PLCB1: variants seen among roughly 807,000 people sequenced by gnomAD.
PLCB1 encodes the protein phospholipase C beta 1, also known as 1-phosphatidylinositol 4,5-bisphosphate phosphodiesterase beta-1.
Under a neutral mutation model 161.8 loss-of-function variants are expected in PLCB1, and 46 were observed. The observed-to-expected ratio is 0.28, with a 90% CI of 0.22 to 0.36. PLCB1 has a LOEUF of 0.36. PLCB1 is among the 10% of genes least tolerant of loss of function. The pLI is 1.00. For synonymous variants in PLCB1, 517 were observed against 503.7 expected, an observed-to-expected ratio of 1.03 and a Z score of -0.35; for missense variants, 1,016 against 1,472.5, an observed-to-expected ratio of 0.69 and a Z score of 5.07.
chr20:8,639,966 G>C (rs1457875357), intron 4 of PLCB1, among the ~76,000 whole-genome samples: 1 of 151,800 alleles, frequency 6.6e-6, no homozygotes, highest in Non-Finnish European at 1.5e-5. Flanking sequence ...GTCAAAGATG[G>C]AACAATCAAG....
At chr20:8,817,705 A>C (rs1374219204) in intron 31 of PLCB1, among the ~76,000 whole-genome samples, 3 of 152,198 alleles carry the variant, frequency 2.0e-5, no homozygotes, top group African/African-American at 7.2e-5. Flanking sequence ...GAAATTCACC[A>C]CATGAAAGCA....
intron 3 of PLCB1, among the ~76,000 whole-genome samples, chr20:8,395,496 A>G (rs1337141402): frequency 6.6e-6 from 1 of 152,108 alleles, no homozygotes; most frequent in East Asian, 1.9e-4. Flanking sequence ...AGTTTACACA[A>G]TTTTAAAGTC....
intron 2 of PLCB1, among the ~76,000 whole-genome samples, chr20:8,284,636 C>T (rs1457534111): frequency 2.6e-5 from 4 of 152,136 alleles, no homozygotes; most frequent in Admixed American, 2.0e-4. Context: ...TTCTAAGGTA[C>T]TTTTTCTCTC....
intron 3 of PLCB1, among the ~76,000 whole-genome samples, chr20:8,549,449 T>C (rs912994678): frequency 1.3e-5 from 2 of 152,174 alleles, no homozygotes; most frequent in Admixed American, 6.5e-5. Context: ...CTGATAAGTT[T>C]GGTTCTGTGT....
intron 2 of PLCB1, among the ~76,000 whole-genome samples, chr20:8,231,030 T>C (rs3827071): frequency 0.21 from 32,645 of 151,960 alleles, 3,860 homozygotes; most frequent in African/African-American, 0.32. Flanking sequence ...TCCATTCACC[T>C]CTCCATAATC....
chr20:8,629,940 TTCTC>T (rs779842099), intron 4 of PLCB1, among the ~76,000 whole-genome samples: 17 of 148,894 alleles, frequency 1.1e-4, no homozygotes, highest in South Asian at 4.3e-4. Flanking sequence ...TTTCCTTTCT[TTCTC>T]TCTTTCTTTT....
chr20:8,617,876 T>C (rs374732763), intron 3 of PLCB1, among the ~76,000 whole-genome samples: 9 of 152,340 alleles, frequency 5.9e-5, no homozygotes, highest in East Asian at 1.9e-4. Flanking sequence ...CATATACTGC[T>C]ATTTTTTAAG....
At chr20:8,231,769 G>A (rs1214500853) in intron 2 of PLCB1, among the ~76,000 whole-genome samples, 1 of 152,086 alleles carries the variant, frequency 6.6e-6, no homozygotes, top group African/African-American at 2.4e-5. Flanking sequence ...GTCTCCCGTG[G>A]CCAGTTGGTT....
rs869194352 is a variant in PLCB1 at position 8,276,986 on chromosome 20, C to CTTCTTATTATTA, written c.178-94394_178-94393insCTTATTATTATT. ...TCTTCTTCTTCTTCTTCTTCTTCTT[C>CTTCTTATTATTA]TTATTATTATTATTATTATTATTAT... On this transcript the variant is annotated intron_variant, in intron 2 of 31. Coordinates refer to ENST00000338037, the MANE Select transcript of PLCB1 (RefSeq NM_015192.4). Among the ~76,000 whole-genome samples, 272 of 93,292 alleles carry CTTCTTATTATTA rather than the reference C, an allele frequency of 2.9e-3. 2 individuals are homozygous for CTTCTTATTATTA. The highest frequency in any genetic ancestry group is 8.0e-3 in the East Asian group (23 of 2,880). The allele number at this position is 93,292 out of a possible 152,430, so 61.2% of individuals were successfully genotyped here.
At chr20:8,362,890 G>C (rs1986590427) in intron 2 of PLCB1, among the ~76,000 whole-genome samples, 2 of 152,112 alleles carry the variant, frequency 1.3e-5, no homozygotes, top group Non-Finnish European at 2.9e-5. Context: ...AAGTAAGTTT[G>C]GGGATATGTG....
chr20:8,441,341 G>A (rs1367704823), intron 3 of PLCB1, among the ~76,000 whole-genome samples: 1 of 152,108 alleles, frequency 6.6e-6, no homozygotes, highest in Non-Finnish European at 1.5e-5. Context: ...CAGACTGTCA[G>A]CCAAAGATTT....
intron 18 of PLCB1, among the ~76,000 whole-genome samples, chr20:8,732,471 T>G (rs1012802853): frequency 2.6e-5 from 4 of 151,076 alleles, no homozygotes; most frequent in African/African-American, 9.7e-5. Context: ...GGGTGAAAAA[T>G]TAGAAAAAAC....
chr20:8,429,135 C>T (rs992962377), intron 3 of PLCB1, among the ~76,000 whole-genome samples: 6 of 152,106 alleles, frequency 3.9e-5, no homozygotes, highest in African/African-American at 1.2e-4. Flanking sequence ...GGAACAGGCT[C>T]GTGGGAGAAG....
intron 26 of PLCB1, among the ~76,000 whole-genome samples, chr20:8,772,904 T>A (rs991766388): frequency 2.6e-5 from 4 of 152,126 alleles, no homozygotes; most frequent in African/African-American, 7.2e-5. Flanking sequence ...CACTCTAGCC[T>A]GGGCTACAAG....
intron 3 of PLCB1, among the ~76,000 whole-genome samples, chr20:8,582,748 G>T (rs1468542546): frequency 6.6e-6 from 1 of 152,192 alleles, no homozygotes; most frequent in African/African-American, 2.4e-5. Flanking sequence ...AGAACTTTGG[G>T]AGGCCAAGGC....
intron 2 of PLCB1, among the ~76,000 whole-genome samples, chr20:8,162,492 A>C (rs900613117): frequency 6.6e-6 from 1 of 152,222 alleles, no homozygotes; most frequent in Non-Finnish European, 1.5e-5. Flanking sequence ...AGAGAGAGCT[A>C]GATAATTTCA....
At chr20:8,550,927 T>C (rs1985753113) in intron 3 of PLCB1, among the ~76,000 whole-genome samples, 1 of 152,138 alleles carries the variant, frequency 6.6e-6, no homozygotes, top group African/African-American at 2.4e-5. Flanking sequence ...CAGGAGTGGA[T>C]TAAAAGATAC....
chr20:8,617,344 T>C (rs942670231), intron 3 of PLCB1, among the ~76,000 whole-genome samples: 5 of 152,202 alleles, frequency 3.3e-5, no homozygotes, highest in African/African-American at 9.7e-5. Context: ...TACTCAAAAC[T>C]CATCACTTTC....
chr20:8,570,213 A>T (rs567937502), intron 3 of PLCB1, among the ~76,000 whole-genome samples: 4 of 152,286 alleles, frequency 2.6e-5, no homozygotes, highest in African/African-American at 9.6e-5. Flanking sequence ...ACTATCAGCT[A>T]CAAGCCTGTC....
Sources: allele counts gnomAD v4.1 joint callset (sites outside exome capture counted in the v4.1 genomes callset), GRCh38; gene constraint gnomAD v4.1.1; transcripts MANE v1.5; gene names NCBI Gene and HGNC (gene_info 2026-07-23, HGNC 2026-07-21).